The following INPP5F variants were observed in gnomAD, a reference collection of about 807,000 sequenced individuals.
INPP5F encodes the protein phosphatidylinositide 4-phosphatase SAC2.
In INPP5F, 97 loss-of-function variants were observed where a neutral mutation model predicts 137.2. The ratio of observed to expected loss-of-function variants is 0.71; its 90% CI spans 0.60 to 0.84. The LOEUF is 0.84. Ranked by LOEUF, INPP5F falls within the 40% of genes least tolerant of loss-of-function variation. The pLI is 0.00. For synonymous variants in INPP5F, 504 were observed against 476.9 expected, an observed-to-expected ratio of 1.06 and a Z score of -0.74; for missense variants, 1,271 against 1,371.9, an observed-to-expected ratio of 0.93 and a Z score of 1.16.
At chr10:119,822,734 AC>A (rs1359217773) in intron 17 of INPP5F, among the ~76,000 whole-genome samples, 1 of 152,238 alleles carries the variant, frequency 6.6e-6, no homozygotes, top group Non-Finnish European at 1.5e-5. Flanking sequence ...GACCAGTATA[AC>A]ATCTGTTAGA....
chr10:119,781,894 T>A, intron 3 of INPP5F, 123 bp downstream of exon 3: 1 of 806,916 alleles, frequency 1.2e-6, no homozygotes, highest in Non-Finnish European at 1.9e-6. Context: ...TAAAATAATT[T>A]AATCCTAAGA....
At chr10:119,811,343 T>C (rs1195994209) in intron 14 of INPP5F, among the ~76,000 whole-genome samples, 2 of 152,242 alleles carry the variant, frequency 1.3e-5, no homozygotes, top group Non-Finnish European at 2.9e-5. Flanking sequence ...GGGAATGGGA[T>C]TATAATGATT....
rs926505805 is a variant in INPP5F at position 119,726,088 on chromosome 10, G to C, written c.-175G>C. On this transcript the variant is annotated 5_prime_UTR_variant, in exon 1 of 20. Transcript: ENST00000650623. ...GGCCGCCGCTGCCGCCGCCGCTGCC[G>C]GGGCGCGTTCTCCTCCTACCGGTCG... 3 of 376,338 alleles carry C rather than the reference G, an allele frequency of 8.0e-6. No homozygotes were observed. The highest frequency in any genetic ancestry group is 9.4e-6 in the Non-Finnish European group (2 of 213,656). 23.3% of individuals were successfully genotyped at this position (376,338 alleles called of 1,614,324 possible).
intron 1 of INPP5F, among the ~76,000 whole-genome samples, chr10:119,732,690 G>A (rs1319418247): frequency 6.6e-6 from 1 of 151,310 alleles, no homozygotes; most frequent in Non-Finnish European, 1.5e-5. Flanking sequence ...TAGTAGAGAC[G>A]GGGTTTCGCC....
At position 119,787,674 on chromosome 10, in the gene INPP5F, A is replaced by G. The variant is rs533056870; in HGVS notation, c.316-3843A>G. On this transcript the variant is annotated intron_variant, in intron 3 of 19. Transcript: ENST00000650623. The surrounding 1 kb of genome is among the most constrained non-coding windows in gnomAD (Gnocchi z 4.1). ...AAGGGAGGAAGGCAGGCAGGCAGGC[A>G]GGAAGGAAGGAAATGCCAAGCTTAG... is the stretch of plus-strand genomic sequence containing the variant. Among the ~76,000 whole-genome samples, 7 of 152,262 alleles carry G rather than the reference A, an allele frequency of 4.6e-5. No individual in the cohort carries two copies. The highest frequency in any genetic ancestry group is 1.7e-4 in the African/African-American group (7 of 41,566).
rs562456243 is a variant in INPP5F, at chr10:119,795,594, C to T, written c.670-1121C>T. Among the ~76,000 whole-genome samples, 443 of 149,628 alleles carry T rather than the reference C, an allele frequency of 3.0e-3. 7 individuals carry two copies. In the East Asian group the frequency reaches 0.06, roughly 20 times the overall value. On this transcript the variant is annotated intron_variant, in intron 6 of 19. Coordinates refer to ENST00000650623, the MANE Select transcript of INPP5F (RefSeq NM_014937.4). ...GCAGAGACGCTCCTCACTTTCCAGA[C>T]TGGGCAGCCAGGCAGAGGGGCTCCT...
intron 6 of INPP5F, 124 bp from the exon 7 acceptor site, chr10:119,796,591 G>T: frequency 2.5e-6 from 2 of 811,622 alleles, no homozygotes; most frequent in South Asian, 2.8e-5. Flanking sequence ...CAGAAAATAT[G>T]GTTGAATAAT....
At chr10:119,796,333 A>T (rs1850381428) in intron 6 of INPP5F, among the ~76,000 whole-genome samples, 1 of 152,228 alleles carries the variant, frequency 6.6e-6, no homozygotes, top group African/African-American at 2.4e-5. Flanking sequence ...ACATTTGTTA[A>T]ATACTTCCCA....
In INPP5F at chr10:119,756,634, A is replaced by G. The variant is rs1168530875; in HGVS notation, c.178+5478A>G. Among the ~76,000 whole-genome samples, 4 of 152,020 alleles carry G rather than the reference A, an allele frequency of 2.6e-5. No individual in the cohort carries two copies. In the East Asian group the frequency reaches 5.8e-4, roughly 22 times the overall value. ...CTGGGCTACAGAGCAAGACTCTGTC[A>G]AAAAAACAAAACAAAACAAAACAAA... On this transcript the variant is annotated intron_variant, in intron 2 of 19. Transcript: ENST00000650623.
intron 1 of INPP5F, among the ~76,000 whole-genome samples, chr10:119,749,624 C>G (rs868107078): frequency 1.7e-4 from 26 of 152,310 alleles, no homozygotes; most frequent in South Asian, 4.1e-4. Context: ...TGGTAGCAGC[C>G]TTGATCCGAT....
intron 3 of INPP5F, among the ~76,000 whole-genome samples, chr10:119,788,413 C>T (rs555986832): frequency 2.4e-4 from 37 of 152,304 alleles, no homozygotes; most frequent in African/African-American, 7.9e-4. Context: ...AAGAAAGATA[C>T]ACCCACAAAG....
Position 119,787,592 on chromosome 10 carries a change from GGAAGGAAGGAAAGGATA to G in INPP5F, c.316-3910_316-3894del, listed in dbSNP as rs1439129593. ...GACTCTGTCTCAAAGAAGGAAAGAA[GGAAGGAAGGAAAGGATA>G]GAAGGAAGGAAAGGGAAGGGGGAGG... On this transcript the variant is annotated intron_variant, in intron 3 of 19. Coordinates refer to ENST00000650623, the MANE Select transcript of INPP5F (RefSeq NM_014937.4). This position sits in a 1 kb window ranked among gnomAD's most constrained non-coding sequence, Gnocchi z 4.1. Among the ~76,000 whole-genome samples, 1 of 149,654 alleles carries G rather than the reference GGAAGGAAGGAAAGGATA, an allele frequency of 6.7e-6. No individual in the cohort carries two copies. Among genetic ancestry groups the G allele is most frequent in the Admixed American group, 6.7e-5 (1 of 15,016 alleles).
intron 1 of INPP5F, among the ~76,000 whole-genome samples, chr10:119,736,841 A>C (rs1392144327): frequency 2.2e-4 from 34 of 152,190 alleles, no homozygotes; most frequent in Non-Finnish European, 1.5e-5. Context: ...AGAAATTTTT[A>C]ATTTTTTTAG....
Position 119,827,713 on chromosome 10 carries a change from A to G in INPP5F, c.3332A>G (p.Asn1111Ser). ...AGTCCTCCAGAACCTGAAATCATTA[A>G]TCAAGTCCAGCAAAATGAACTTAAA... ...QKSPPEPEII[N>S]QVQQNELKKM... The change falls in exon 20 of 20, where the codon AAT (asparagine) becomes AGT (serine). Residue 1111 changes from asparagine to serine, a missense_variant. By Grantham distance (46) the Asn-to-Ser change is conservative (BLOSUM62 1). Around this residue, in one of 6 missense-constraint regions of INPP5F, gnomAD observed 490 missense variants for 443.7 expected, o/e 1.10. Transcript: ENST00000650623. 1 of 1,613,876 alleles carries G rather than the reference A, an allele frequency of 6.2e-7. No homozygotes were observed.
chr10:119,751,698 G>A (rs1350200579), intron 2 of INPP5F, among the ~76,000 whole-genome samples: 3 of 152,208 alleles, frequency 2.0e-5, no homozygotes. Context: ...TTTTGTTGGT[G>A]GGAAAGTATA....
chr10:119,786,565 G>C (rs942124253), intron 3 of INPP5F, among the ~76,000 whole-genome samples: 3 of 152,138 alleles, frequency 2.0e-5, no homozygotes, highest in Admixed American at 2.0e-4. Context: ...TCATTTATTT[G>C]TTTGAGACAG....
chr10:119,811,633 A>G, intron 14 of INPP5F, 124 bp from the exon 15 acceptor site: 1 of 728,702 alleles, frequency 1.4e-6, no homozygotes, highest in Non-Finnish European at 2.2e-6. Flanking sequence ...ATCCAAGGTT[A>G]CAAAGATTTA....
rs1315762894 is a variant in INPP5F at position 119,787,579 on chromosome 10, A to G, written c.316-3938A>G. ...GGTGACAGAGTGCGACTCTGTCTCAAAGAAGGAAAGAAGGAAGGAAGGAAA... is the reference window on the plus strand; with the variant it reads ...GGTGACAGAGTGCGACTCTGTCTCAGAGAAGGAAAGAAGGAAGGAAGGAAA... On this transcript the variant is annotated intron_variant, in intron 3 of 19. Coordinates refer to ENST00000650623, the MANE Select transcript of INPP5F (RefSeq NM_014937.4). The surrounding 1 kb of genome is among the most constrained non-coding windows in gnomAD (Gnocchi z 4.1). 1.3e-5 allele frequency among the ~76,000 whole-genome samples: 2 copies of G among 150,990 alleles called. No individual in the cohort carries two copies. Among genetic ancestry groups the G allele is most frequent in the Non-Finnish European group, 3.0e-5 (2 of 67,758 alleles).
intron 2 of INPP5F, chr10:119,768,369 T>C (rs1253150575): frequency 2.6e-5 from 4 of 152,180 alleles, no homozygotes; most frequent in Non-Finnish European, 5.9e-5. Context: ...AAGTTTGACA[T>C]CAAATACGGC....
Sources: gnomAD v4.1 joint callset for allele counts (sites outside exome capture counted in the v4.1 genomes callset) on GRCh38, gnomAD v4.1.1 for gene constraint, gnomAD v4.1.1 regional missense constraint, Gnocchi (gnomAD v3.1) non-coding constraint, MANE v1.5 for transcripts, NCBI Gene and HGNC (gene_info 2026-07-23, HGNC 2026-07-21) for gene names.